The following TSPAN5 variants were observed in gnomAD, a reference collection of about 807,000 sequenced individuals.
TSPAN5 encodes tetraspanin-5.
Under a neutral mutation model 37.1 loss-of-function variants are expected in TSPAN5, and 10 were observed. The ratio of observed to expected loss-of-function variants is 0.27; its 90% CI spans 0.17 to 0.46. The LOEUF is 0.46. TSPAN5 is among the 20% of genes least tolerant of loss of function. The probability of loss-of-function intolerance (pLI) is 1.00; values close to 1 mark genes in which losing one functional copy is unlikely to be tolerated. For synonymous variants in TSPAN5, 110 were observed against 118.9 expected (o/e 0.93, Z 0.48); for missense variants, 195 against 326.6 (o/e 0.60, Z 3.11).
chr4:98,550,562 G>A (rs1046805361), intron 1 of TSPAN5, among the ~76,000 whole-genome samples: 12 of 148,640 alleles, frequency 8.1e-5, no homozygotes, highest in Admixed American at 1.3e-4. Context: ...TACTTTCATC[G>A]GTGTTTTGTA....
intron 1 of TSPAN5, among the ~76,000 whole-genome samples, chr4:98,550,240 A>ATTCTATTCCAC (rs2110153678): frequency 1.3e-5 from 2 of 152,158 alleles, no homozygotes; most frequent in Non-Finnish European, 2.9e-5. Flanking sequence ...CCACTGATCT[A>ATTCTATTCCAC]TGTGTCTATT....
chr4:98,576,802 C>G (rs1755247502), intron 1 of TSPAN5, among the ~76,000 whole-genome samples: 1 of 152,210 alleles, frequency 6.6e-6, no homozygotes, highest in South Asian at 2.1e-4. Flanking sequence ...CTCTGTCGCC[C>G]AGGCTGGAAT....
intron 1 of TSPAN5, among the ~76,000 whole-genome samples, chr4:98,515,393 G>A (rs1753706345): frequency 6.6e-6 from 1 of 152,006 alleles, no homozygotes; most frequent in Admixed American, 6.6e-5. Flanking sequence ...CCCCCCTCCT[G>A]ACACATTTCT....
At chr4:98,638,311 G>C (rs951505541) in intron 1 of TSPAN5, among the ~76,000 whole-genome samples, 4 of 152,152 alleles carry the variant, frequency 2.6e-5, no homozygotes, top group Admixed American at 2.6e-4. Context: ...TCAGTTCCCT[G>C]GAGATATACT....
chr4:98,570,977 G>A (rs10021234), intron 1 of TSPAN5, among the ~76,000 whole-genome samples: 112,397 of 150,752 alleles, frequency 0.75, 42,137 homozygotes, highest in South Asian at 0.86. Context: ...GCGCCACTAC[G>A]CTCCAATATG....
chr4:98,643,772 T>C (rs1311158682), intron 1 of TSPAN5, among the ~76,000 whole-genome samples: 1 of 152,256 alleles, frequency 6.6e-6, no homozygotes, highest in East Asian at 1.9e-4. Flanking sequence ...ATTCAGTTTA[T>C]TCTTTCAAAA....
chr4:98,549,430 G>A (rs529363695), intron 1 of TSPAN5, among the ~76,000 whole-genome samples: 3 of 152,062 alleles, frequency 2.0e-5, no homozygotes, highest in Non-Finnish European at 2.9e-5. Context: ...AGCCTCCTGA[G>A]TAACTGGGAC....
At chr4:98,638,993 T>A (rs1756911579) in intron 1 of TSPAN5, among the ~76,000 whole-genome samples, 1 of 152,156 alleles carries the variant, frequency 6.6e-6, no homozygotes, top group African/African-American at 2.4e-5. Flanking sequence ...TCAGTCTTTG[T>A]CCCAGAAAGA....
At chr4:98,644,164 T>C (rs565598288) in intron 1 of TSPAN5, among the ~76,000 whole-genome samples, 1 of 152,284 alleles carries the variant, frequency 6.6e-6, no homozygotes, top group African/African-American at 2.4e-5. Context: ...ATTCACAAGG[T>C]ATTTGCTCTG....
At chr4:98,563,453 G>A (rs747803891) in intron 1 of TSPAN5, among the ~76,000 whole-genome samples, 13 of 152,186 alleles carry the variant, frequency 8.5e-5, no homozygotes, top group African/African-American at 2.9e-4. Context: ...AGCAGTCCTC[G>A]CCCTGCTTTC....
rs957332106 is a variant in TSPAN5 at position 98,599,698 on chromosome 4, T to C, written c.81+58448A>G. Among the ~76,000 whole-genome samples the C allele has an allele frequency of 2.6e-5, 4 of 152,356 alleles. No individual in the cohort carries two copies. In the South Asian group the frequency reaches 6.2e-4, roughly 24 times the overall value. On this transcript the variant is annotated intron_variant, in intron 1 of 7. Coordinates refer to ENST00000305798, the MANE Select transcript of TSPAN5 (RefSeq NM_005723.4). ...AACATTGTATGTGGTCTTCTGAGTT[T>C]TATTCCTTTGACTGCACAATTTTTC... is the stretch of plus-strand genomic sequence containing the variant.
chr4:98,631,339 C>T (rs1478369199), intron 1 of TSPAN5, among the ~76,000 whole-genome samples: 4 of 152,132 alleles, frequency 2.6e-5, no homozygotes, highest in Admixed American at 2.6e-4. Context: ...AGTCCACCAC[C>T]AGACTCTCAT....
intron 1 of TSPAN5, among the ~76,000 whole-genome samples, chr4:98,520,213 T>C (rs941348407): frequency 6.6e-5 from 10 of 152,072 alleles, no homozygotes; most frequent in South Asian, 2.1e-4. Context: ...CCAAAGCCCA[T>C]AGAGCAATTA....
At chr4:98,575,058 G>A (rs1028157040) in intron 1 of TSPAN5, among the ~76,000 whole-genome samples, 2 of 62,356 alleles carry the variant, frequency 3.2e-5, no homozygotes, top group Non-Finnish European at 3.7e-5. Context: ...GAGCCAGCAC[G>A]CTGAGTGGAG....
chr4:98,511,856 A>C (rs541687334), intron 1 of TSPAN5, among the ~76,000 whole-genome samples: 2 of 152,322 alleles, frequency 1.3e-5, no homozygotes, highest in Non-Finnish European at 2.9e-5. Flanking sequence ...AAAGTATCCC[A>C]TAACAATATC....
At chr4:98,477,856 C>T (rs1752742025) in intron 5 of TSPAN5, among the ~76,000 whole-genome samples, 2 of 151,660 alleles carry the variant, frequency 1.3e-5, no homozygotes, top group Admixed American at 1.3e-4. Flanking sequence ...GATGGGGTCT[C>T]ACTATGTTGC....
intron 2 of TSPAN5, among the ~76,000 whole-genome samples, chr4:98,501,346 C>T (rs1456178697): frequency 3.9e-5 from 6 of 152,118 alleles, no homozygotes; most frequent in Non-Finnish European, 7.3e-5. Flanking sequence ...CATGACATAG[C>T]CAGTGTTTTA....
chr4:98,536,449 G>C (rs1754235412), intron 1 of TSPAN5, among the ~76,000 whole-genome samples: 1 of 152,214 alleles, frequency 6.6e-6, no homozygotes, highest in Non-Finnish European at 1.5e-5. Flanking sequence ...GCCCCTACTG[G>C]GAGGTGTCTC....
At chr4:98,474,345 G>A (rs1035159834) in intron 7 of TSPAN5, among the ~76,000 whole-genome samples, 1 of 152,044 alleles carries the variant, frequency 6.6e-6, no homozygotes. Context: ...GACCATATAC[G>A]TACGAGCTTA....
Sources: gnomAD v4.1 joint callset for allele counts (sites outside exome capture counted in the v4.1 genomes callset) on GRCh38, gnomAD v4.1.1 for gene constraint, MANE v1.5 for transcripts, NCBI Gene and HGNC (gene_info 2026-07-23, HGNC 2026-07-21) for gene names.